CHD5: variants seen among roughly 807,000 people sequenced by gnomAD.
The protein encoded by CHD5 is chromodomain helicase DNA binding protein 5.
A neutral mutation model predicts 230.3 loss-of-function variants in CHD5; 69 were observed. The observed-to-expected ratio is 0.30, with a 90% CI of 0.25 to 0.37. The LOEUF is 0.37. Among genes scored for constraint, CHD5 ranks in the 10% least tolerant of loss-of-function variants. The pLI is 1.00. For missense variants in CHD5, 1,827 were observed against 2,622.8 expected (o/e 0.70, Z 6.63); for synonymous variants, 1,064 against 1,065.9 (o/e 1.00, Z 0.03).
chr1:6,158,102 G>A (rs561467021), intron 3 of CHD5, among the ~76,000 whole-genome samples: 17 of 152,340 alleles, frequency 1.1e-4, no homozygotes, highest in African/African-American at 4.1e-4. Context: ...CAGTGTTCCT[G>A]AATGGCACTG....
At position 6,139,637 on chromosome 1, in the gene CHD5, A is replaced by T. The variant is rs1666798406; in HGVS notation, c.2436+2491T>A. On this transcript the variant is annotated intron_variant, in intron 15 of 41. Transcript: ENST00000262450. ...ACAATCATGGCGCACTACAGCCTCGAACTCCTGGGCTCAGGCAATCCTCCT... is the reference window on the plus strand; with the variant it reads ...ACAATCATGGCGCACTACAGCCTCGTACTCCTGGGCTCAGGCAATCCTCCT... Among the ~76,000 whole-genome samples, 2 of 150,972 alleles carry T rather than the reference A, an allele frequency of 1.3e-5. 1 individual carries two copies. Among genetic ancestry groups the T allele is most frequent in the South Asian group, 4.2e-4 (2 of 4,778 alleles).
Position 6,139,191 on chromosome 1 carries a change from G to A in CHD5, c.2437-2326C>T, listed in dbSNP as rs191191410. Among the ~76,000 whole-genome samples, 1,181 of 152,294 alleles carry A rather than the reference G, an allele frequency of 7.8e-3. 14 individuals carry two copies. Among genetic ancestry groups the A allele is most frequent in the Middle Eastern group, 0.014 (4 of 294 alleles). ...CTGCAGACTGGTTGCATACCAATGT[G>A]AATGTACTTAACACTACTAAACTGT... On this transcript the variant is annotated intron_variant, in intron 15 of 41. Coordinates refer to ENST00000262450, the MANE Select transcript of CHD5 (RefSeq NM_015557.3).
chr1:6,160,019 GAAA>G (rs1444769271), intron 2 of CHD5, among the ~76,000 whole-genome samples: 1 of 151,764 alleles, frequency 6.6e-6, no homozygotes, highest in Admixed American at 6.6e-5. Context: ...AGCCAGAGAA[GAAA>G]AGCCCCAGCC....
intron 2 of CHD5, among the ~76,000 whole-genome samples, chr1:6,160,936 C>T (rs1667167079): frequency 6.6e-6 from 1 of 152,196 alleles, no homozygotes; most frequent in African/African-American, 2.4e-5. Flanking sequence ...ACAGCCCCTT[C>T]CCAGGGAGGG....
At position 6,123,924 on chromosome 1, in the gene CHD5, C is replaced by T. The variant is rs190351288; in HGVS notation, c.4699+24G>A. 333 of 1,423,210 alleles carry T rather than the reference C, an allele frequency of 2.3e-4. 9 individuals are homozygous for T. The East Asian group carries it at 9.2e-3, about 39-fold the overall frequency. The allele number at this position is 1,423,210 out of a possible 1,614,324, so 88.2% of individuals were successfully genotyped here. ...CCACTTTCCATGACCCCAGTGCCCTCCCCGGCCCGCCCAGCCCACAGACCT... is the reference window on the plus strand; with the variant it reads ...CCACTTTCCATGACCCCAGTGCCCTTCCCGGCCCGCCCAGCCCACAGACCT... On this transcript the variant is annotated intron_variant, in intron 31 of 41. Coordinates refer to ENST00000262450, the MANE Select transcript of CHD5 (RefSeq NM_015557.3).
intron 15 of CHD5, among the ~76,000 whole-genome samples, chr1:6,138,061 C>A (rs923316746): frequency 6.6e-6 from 1 of 152,172 alleles, no homozygotes; most frequent in East Asian, 1.9e-4. Context: ...GATCCCCACA[C>A]CTGAAGGAAC....
rs903644652 is a variant in CHD5, at chr1:6,104,022, G to A, written c.*1452C>T. Reference sequence around the variant, plus strand: ...ACGCAGCCCTTTCCTAACATTCCCAGGATTCTGCACCCCAAGGCACCTTCC... The same window carrying A: ...ACGCAGCCCTTTCCTAACATTCCCAAGATTCTGCACCCCAAGGCACCTTCC... On this transcript the variant is annotated 3_prime_UTR_variant, in exon 42 of 42. Transcript: ENST00000262450. 2.0e-5 allele frequency: 3 copies of A among 152,092 alleles called. No individual in the cohort carries two copies. The highest frequency in any genetic ancestry group is 7.3e-5 in the African/African-American group (3 of 41,368). 9.4% of individuals were successfully genotyped at this position (152,092 alleles called of 1,614,324 possible).
chr1:6,176,681 G>A (rs1242795023), intron 1 of CHD5, among the ~76,000 whole-genome samples: 7 of 152,172 alleles, frequency 4.6e-5, no homozygotes, highest in Admixed American at 6.5e-5. Flanking sequence ...CATGTGCTGG[G>A]CACTGTGGCC....
In CHD5 at chr1:6,116,296, C is replaced by A. The variant is rs146171502; in HGVS notation, c.4913-3298G>T. ...ATGTTTGTTGGATGAATGAACCAAT[C>A]AATGAGTAATAGGAATTCCAGAAGG... is the stretch of plus-strand genomic sequence containing the variant. On this transcript the variant is annotated intron_variant, in intron 33 of 41. Transcript: ENST00000262450. Among the ~76,000 whole-genome samples the A allele has an allele frequency of 4.4e-3, 669 of 152,088 alleles. 4 individuals are homozygous for A. The highest frequency in any genetic ancestry group is 0.015 in the African/African-American group (603 of 41,458).
In CHD5 at chr1:6,104,991, T is replaced by C; in HGVS notation, c.*483A>G. 5.0e-6 allele frequency: 1 copy of C among 200,802 alleles called. No homozygotes were observed. Among genetic ancestry groups the C allele is most frequent in the Non-Finnish European group, 1.0e-5 (1 of 97,680 alleles). The allele number at this position is 200,802 out of a possible 1,614,324, so 12.4% of individuals were successfully genotyped here. A position where few individuals can be genotyped will look rare whatever the true frequency, so the allele number is the denominator to read the frequency against. The stretch of plus-strand genomic sequence containing the variant: ...AGGGCTCCTAGGGCACCGGGCGCCA[T>C]GTCCTCCCCAGCTGGGCTGAGTCCA... On this transcript the variant is annotated 3_prime_UTR_variant, in exon 42 of 42. Transcript: ENST00000262450.
At chr1:6,152,848 C>T (rs916509467) in intron 5 of CHD5, among the ~76,000 whole-genome samples, 2 of 152,234 alleles carry the variant, frequency 1.3e-5, no homozygotes, top group Non-Finnish European at 2.9e-5. Flanking sequence ...TGAAAGGAGG[C>T]ACTAGCCATC....
In CHD5 at chr1:6,105,572, C is replaced by G. The variant is rs1666149243; in HGVS notation, c.*47-145G>C. 1 of 340,900 alleles carries G rather than the reference C, an allele frequency of 2.9e-6. No homozygotes were observed. The highest frequency in any genetic ancestry group is 5.8e-6 in the Non-Finnish European group (1 of 171,408). 21.1% of individuals were successfully genotyped at this position (340,900 alleles called of 1,614,324 possible). A position where few individuals can be genotyped will look rare whatever the true frequency, so the allele number is the denominator to read the frequency against. On this transcript the variant is annotated intron_variant, in intron 41 of 41. Coordinates refer to ENST00000262450, the MANE Select transcript of CHD5 (RefSeq NM_015557.3). The surrounding 1 kb of genome is among the most constrained non-coding windows in gnomAD (Gnocchi z 4.8). Reference sequence around the variant, plus strand: ...CCAGCCATGACCTCCCAGCCACAGGCTGCCGGGCCAGGCCATGAGCTACAC... The same window carrying G: ...CCAGCCATGACCTCCCAGCCACAGGGTGCCGGGCCAGGCCATGAGCTACAC...
In CHD5 at chr1:6,121,652, G is replaced by A. The variant is rs528395298; in HGVS notation, c.4700-79C>T. ...GGGCAGGGAGTGGGGTGGCAGAGAG[G>A]AGAGATGGGGGCTTGGCCTTCGGGA... On this transcript the variant is annotated intron_variant, in intron 31 of 41. Transcript: ENST00000262450. The surrounding 1 kb of genome is among the most constrained non-coding windows in gnomAD (Gnocchi z 4.5). The A allele has an allele frequency of 8.1e-5, 82 of 1,016,180 alleles. No homozygotes were observed. Among genetic ancestry groups the A allele is most frequent in the Non-Finnish European group, 1.2e-4 (78 of 672,000 alleles). 62.9% of individuals were successfully genotyped at this position (1,016,180 alleles called of 1,614,324 possible). A position where few individuals can be genotyped will look rare whatever the true frequency, so the allele number is the denominator to read the frequency against.
chr1:6,112,991 C>T lies in CHD5; in HGVS notation c.4920G>A (p.Val1640=). The T allele has an allele frequency of 6.2e-7, 1 of 1,612,678 alleles. No individual in the cohort carries two copies. The highest frequency in any genetic ancestry group is 8.5e-7 in the Non-Finnish European group (1 of 1,178,826). Residue 1640 remains valine (V), a synonymous_variant, in exon 34 of 42, where the codon GTG becomes GTA. Transcript: ENST00000262450. ...CCAGGATCTTCTCCTTCTCAGGAAG[C>T]ACCTCCTCTGCAAGAAAAAGAGGGT... The part of the protein sequence containing the change: ...PSPEQLPREE[V]LPEKEKILDK...
chr1:6,177,450 CGA>C (rs1270100420), intron 1 of CHD5, among the ~76,000 whole-genome samples: 2 of 152,136 alleles, frequency 1.3e-5, no homozygotes, highest in African/African-American at 4.8e-5. Context: ...GGCAGGTTAT[CGA>C]GAGTTACATT....
Position 6,128,344 on chromosome 1 carries a change from G to T in CHD5, c.3731-126C>A. On this transcript the variant is annotated intron_variant, in intron 24 of 41. Coordinates refer to ENST00000262450, the MANE Select transcript of CHD5 (RefSeq NM_015557.3). This position sits in a 1 kb window ranked among gnomAD's most constrained non-coding sequence, Gnocchi z 7.8. The stretch of plus-strand genomic sequence containing the variant: ...AGGGGCTGCAGCTGAGAGGCATGGT[G>T]ACCAGACAGAGGAAACTGCGCTGTA... The T allele has an allele frequency of 1.7e-6, 2 of 1,154,644 alleles. No individual in the cohort carries two copies. The highest frequency in any genetic ancestry group is 1.4e-5 in the South Asian group (1 of 69,818). The allele number at this position is 1,154,644 out of a possible 1,614,324, so 71.5% of individuals were successfully genotyped here.
Position 6,155,785 on chromosome 1 carries a change from T to C in CHD5, c.388-68A>G, listed in dbSNP as rs1005942163. 2.4e-6 allele frequency: 3 copies of C among 1,273,742 alleles called. No individual in the cohort carries two copies. The African/African-American group carries it at 4.5e-5, about 19-fold the overall frequency. 78.9% of individuals were successfully genotyped at this position (1,273,742 alleles called of 1,614,324 possible). ...CTGACCTGCACCCCCATCCCCAGGG[T>C]CTCTGCCTAGGAGGCTTTGGCACAG... On this transcript the variant is annotated intron_variant, in intron 3 of 41. Transcript: ENST00000262450. This position sits in a 1 kb window ranked among gnomAD's most constrained non-coding sequence, Gnocchi z 4.0.
intron 1 of CHD5, among the ~76,000 whole-genome samples, chr1:6,169,243 AC>A (rs1220782026): frequency 6.6e-6 from 1 of 152,078 alleles, no homozygotes; most frequent in East Asian, 1.9e-4. Context: ...GCACTCCCCC[AC>A]CTCCAACACA....
chr1:6,172,254 G>A (rs1004622384), intron 1 of CHD5, among the ~76,000 whole-genome samples: 1 of 152,240 alleles, frequency 6.6e-6, no homozygotes, highest in Non-Finnish European at 1.5e-5. Context: ...CAGGCCCAAA[G>A]TACCTAGGAC....
Sources: allele counts gnomAD v4.1 joint callset (sites outside exome capture counted in the v4.1 genomes callset), GRCh38; gene constraint gnomAD v4.1.1; non-coding constraint Gnocchi (gnomAD v3.1); transcripts MANE v1.5; gene names NCBI Gene and HGNC (gene_info 2026-07-23, HGNC 2026-07-21).